Variants in ATP8B4 observed in about 807,000 individuals in gnomAD.
ATP8B4 encodes ATPase phospholipid transporting 8B4 (putative).
In ATP8B4, 133 loss-of-function variants were observed where a neutral mutation model predicts 145.6. The observed-to-expected ratio is 0.91, with a 90% confidence interval of 0.79 to 1.05. The LOEUF (loss-of-function observed/expected upper bound fraction) is 1.05, where lower values mean the gene tolerates loss of function less well. Ranked by LOEUF, ATP8B4 falls within the 50% of genes least tolerant of loss-of-function variation. ATP8B4 has a pLI of 0.00. For synonymous variants in ATP8B4, 507 were observed against 492.9 expected, an observed-to-expected ratio of 1.03 and a Z score of -0.38; for missense variants, 1,458 against 1,425.2, an observed-to-expected ratio of 1.02 and a Z score of -0.37.
intron 27 of ATP8B4, among the ~76,000 whole-genome samples, chr15:49,861,420 GTGTGTC>G (rs1200459133): frequency 1.7e-4 from 23 of 133,496 alleles, no homozygotes; most frequent in Admixed American, 5.8e-4. Flanking sequence ...GTGTGTGTGT[GTGTGTC>G]TGTCTGTCTG....
chr15:50,052,016 G>A (rs1474758229), intron 3 of ATP8B4, among the ~76,000 whole-genome samples: 1 of 152,206 alleles, frequency 6.6e-6, no homozygotes, highest in South Asian at 2.1e-4. Flanking sequence ...CAAGGAACAA[G>A]GGCTCCCCCT....
intron 10 of ATP8B4, chr15:49,982,677 C>G (rs1448205556): frequency 6.6e-6 from 1 of 152,158 alleles, no homozygotes; most frequent in Non-Finnish European, 1.5e-5. Context: ...CAAATGCACA[C>G]AGACTAATAA....
At chr15:50,100,190 T>C (rs1376772206) in intron 2 of ATP8B4, among the ~76,000 whole-genome samples, 1 of 152,172 alleles carries the variant, frequency 6.6e-6, no homozygotes, top group African/African-American at 2.4e-5. Flanking sequence ...TTCCCAATGA[T>C]GTTGTGAAAG....
In ATP8B4 at chr15:49,860,016, T is replaced by G; in HGVS notation, c.*178A>C. The stretch of plus-strand genomic sequence containing the variant: ...ACCAGACAGTGACCCTCTGGCCTGG[T>G]TTTCCATAGCGCACACTCCTGTTTG... On this transcript the variant is annotated 3_prime_UTR_variant, in exon 28 of 28. Transcript: ENST00000284509. The G allele has an allele frequency of 1.5e-6, 1 of 673,566 alleles. No individual in the cohort carries two copies. The highest frequency in any genetic ancestry group is 2.6e-5 in the South Asian group (1 of 38,770). The allele number at this position is 673,566 out of a possible 1,614,324, so 41.7% of individuals were successfully genotyped here.
chr15:49,874,285 G>C lies in ATP8B4; in HGVS notation c.3027+1993C>G, dbSNP rs1187268353. Among the ~76,000 whole-genome samples the C allele has an allele frequency of 2.0e-5, 3 of 152,286 alleles. No homozygotes were observed. In the South Asian group the frequency reaches 6.2e-4, roughly 32 times the overall value. ...TTCTATTCCACTAGAGAAAATAAAG[G>C]GGCCTTAGTTTAAATGGATCCAGGG... is the stretch of plus-strand genomic sequence containing the variant. On this transcript the variant is annotated intron_variant, in intron 25 of 27. Coordinates refer to ENST00000284509, the MANE Select transcript of ATP8B4 (RefSeq NM_024837.4).
chr15:50,178,781 A>G (rs1355448131), intron 1 of ATP8B4, among the ~76,000 whole-genome samples: 2 of 152,228 alleles, frequency 1.3e-5, no homozygotes, highest in Non-Finnish European at 2.9e-5. Flanking sequence ...ATAAAAATTA[A>G]CTATTTTAAC....
chr15:49,985,537 C>T (rs1599634977), intron 10 of ATP8B4, among the ~76,000 whole-genome samples: 1 of 152,178 alleles, frequency 6.6e-6, no homozygotes, highest in Non-Finnish European at 1.5e-5. Flanking sequence ...TGCCAGCATT[C>T]TAATTAAGCT....
intron 13 of ATP8B4, among the ~76,000 whole-genome samples, chr15:49,965,306 A>T (rs920780293): frequency 3.9e-5 from 6 of 152,232 alleles, no homozygotes; most frequent in Non-Finnish European, 8.8e-5. Flanking sequence ...TCTTGCTTTA[A>T]AATACTTGGC....
At chr15:50,047,658 C>T (rs1384280242) in intron 3 of ATP8B4, among the ~76,000 whole-genome samples, 194 bp from the exon 4 acceptor site, 2 of 151,928 alleles carry the variant, frequency 1.3e-5, no homozygotes, top group Non-Finnish European at 2.9e-5. Context: ...ATTACTGGTC[C>T]ATGCCATAAA....
At chr15:50,103,002 A>T (rs1259796857) in intron 2 of ATP8B4, among the ~76,000 whole-genome samples, 3 of 152,208 alleles carry the variant, frequency 2.0e-5, no homozygotes, top group Non-Finnish European at 4.4e-5. Flanking sequence ...TCACATGATC[A>T]TCTCAATAGA....
chr15:49,903,426 G>A (rs572069622), intron 20 of ATP8B4, among the ~76,000 whole-genome samples: 5 of 152,276 alleles, frequency 3.3e-5, no homozygotes, highest in East Asian at 1.9e-4. Flanking sequence ...ATGCAGAATC[G>A]CATTAACAGT....
At chr15:50,108,988 C>T (rs979276689) in intron 1 of ATP8B4, among the ~76,000 whole-genome samples, 1 of 152,268 alleles carries the variant, frequency 6.6e-6, no homozygotes, top group Admixed American at 6.5e-5. Flanking sequence ...TTCCTTTTAG[C>T]AACTATCCCT....
intron 3 of ATP8B4, among the ~76,000 whole-genome samples, chr15:50,073,017 T>TACACACAC (rs1292685906): frequency 5.7e-4 from 18 of 31,626 alleles, no homozygotes; most frequent in East Asian, 2.9e-3. Flanking sequence ...TATATATATA[T>TACACACAC]ATACACACAC....
At chr15:49,972,177 C>T (rs1032695746) in intron 13 of ATP8B4, among the ~76,000 whole-genome samples, 2 of 151,988 alleles carry the variant, frequency 1.3e-5, no homozygotes, top group African/African-American at 2.4e-5. Context: ...ATGTAGACGA[C>T]GGGTTGATGG....
intron 14 of ATP8B4, among the ~76,000 whole-genome samples, chr15:49,953,372 C>T (rs2043272543): frequency 1.3e-5 from 2 of 152,142 alleles, no homozygotes; most frequent in South Asian, 2.1e-4. Flanking sequence ...GGCTCAGGTC[C>T]AGGGAAAGCC....
At chr15:50,003,506 G>A (rs904208896) in intron 7 of ATP8B4, among the ~76,000 whole-genome samples, 23 of 151,978 alleles carry the variant, frequency 1.5e-4, no homozygotes, top group Admixed American at 5.9e-4. Flanking sequence ...AAGTGATGCC[G>A]CTCTTGGGCC....
chr15:50,138,921 G>T (rs1047821147), intron 1 of ATP8B4, among the ~76,000 whole-genome samples: 1 of 152,140 alleles, frequency 6.6e-6, no homozygotes, highest in Non-Finnish European at 1.5e-5. Flanking sequence ...AATAGATAAG[G>T]TAATTAAATG....
intron 6 of ATP8B4, among the ~76,000 whole-genome samples, chr15:50,025,892 G>T (rs1446466858): frequency 6.6e-6 from 1 of 152,234 alleles, no homozygotes; most frequent in Non-Finnish European, 1.5e-5. Flanking sequence ...GATACTATGT[G>T]TCATGATATA....
At chr15:50,157,198 G>C (rs780631695) in intron 1 of ATP8B4, among the ~76,000 whole-genome samples, 2 of 152,130 alleles carry the variant, frequency 1.3e-5, no homozygotes, top group African/African-American at 2.4e-5. Context: ...TGCCAGAAAA[G>C]ATAGAAAGTT....
Sources: allele counts gnomAD v4.1 joint callset (sites outside exome capture counted in the v4.1 genomes callset), GRCh38; gene constraint gnomAD v4.1.1; transcripts MANE v1.5; gene names NCBI Gene and HGNC (gene_info 2026-07-23, HGNC 2026-07-21).